Variants in PUM2 observed in about 807,000 individuals in gnomAD.
PUM2 encodes pumilio RNA binding family member 2.
PUM2 carries 57 observed loss-of-function variants against 124.5 expected under a neutral mutation model. The ratio of observed to expected loss-of-function variants is 0.46; its 90% confidence interval spans 0.37 to 0.57. The LOEUF is 0.57. PUM2 is among the 20% of genes least tolerant of loss of function. PUM2 has a pLI of 0.00. For missense variants in PUM2, 1,065 were observed against 1,290.6 expected, an observed-to-expected ratio of 0.83 and a Z score of 2.68; for synonymous variants, 460 against 446.1, an observed-to-expected ratio of 1.03 and a Z score of -0.39.
intron 6 of PUM2, 83 bp downstream of exon 6, chr2:20,308,231 A>T: frequency 6.6e-7 from 1 of 1,513,294 alleles, no homozygotes; most frequent in Non-Finnish European, 8.9e-7. Flanking sequence ...AACCCCTACC[A>T]TTCTTTTCAA....
intron 2 of PUM2, among the ~76,000 whole-genome samples, chr2:20,321,109 T>C (rs1214154944): frequency 6.6e-6 from 1 of 152,134 alleles, no homozygotes; most frequent in African/African-American, 2.4e-5. Context: ...CTTTTGGGAT[T>C]AAAGTTCCGG....
Position 20,326,500 on chromosome 2 carries a change from T to C in PUM2, c.51+810A>G, listed in dbSNP as rs191373274. 8.1e-4 allele frequency: 739 copies of C among 916,276 alleles called. 2 individuals carry two copies. The highest frequency in any genetic ancestry group is 8.0e-4 in the Non-Finnish European group (526 of 655,354). The allele number at this position is 916,276 out of a possible 1,614,324, so 56.8% of individuals were successfully genotyped here. A position where few individuals can be genotyped will look rare whatever the true frequency, so the allele number is the denominator to read the frequency against. On this transcript the variant is annotated intron_variant, in intron 2 of 20. Coordinates refer to ENST00000361078, the MANE Select transcript of PUM2 (RefSeq NM_015317.5). Reference sequence around the variant, plus strand: ...CACATCTTAGGTCTGTTCACTGTTATCTTCTATTATCAAAGTCTACGTTAG... The same window carrying C: ...CACATCTTAGGTCTGTTCACTGTTACCTTCTATTATCAAAGTCTACGTTAG...
At chr2:20,309,493 C>A (rs777395799) in intron 5 of PUM2, among the ~76,000 whole-genome samples, 6 of 150,828 alleles carry the variant, frequency 4.0e-5, no homozygotes, top group African/African-American at 1.5e-4. Flanking sequence ...AATTCATTAA[C>A]ACTGGACTAA....
chr2:20,332,408 T>TA (rs34916773), intron 1 of PUM2, among the ~76,000 whole-genome samples: 6,421 of 134,202 alleles, frequency 0.048, 166 homozygotes, highest in Admixed American at 0.079. Context: ...TAAAAAGACT[T>TA]AAAAAAAAAA....
chr2:20,313,456 T>G (rs1680139164), intron 3 of PUM2, among the ~76,000 whole-genome samples: 1 of 152,250 alleles, frequency 6.6e-6, no homozygotes, highest in Non-Finnish European at 1.5e-5. Context: ...AAGGATCAGT[T>G]GCTTATAAAC....
At chr2:20,321,660 T>C (rs1682403034) in intron 2 of PUM2, among the ~76,000 whole-genome samples, 1 of 152,146 alleles carries the variant, frequency 6.6e-6, no homozygotes, top group African/African-American at 2.4e-5. Flanking sequence ...AAACAATGCA[T>C]TGATTAGAAC....
intron 2 of PUM2, among the ~76,000 whole-genome samples, chr2:20,321,155 G>C (rs937577126): frequency 6.6e-5 from 10 of 152,138 alleles, no homozygotes; most frequent in African/African-American, 2.4e-4. Context: ...GCAAATTGCA[G>C]CACACACCTG....
intron 10 of PUM2, among the ~76,000 whole-genome samples, chr2:20,289,911 G>GA (rs1025147072): frequency 2.6e-5 from 4 of 151,700 alleles, no homozygotes; most frequent in African/African-American, 9.7e-5. Context: ...TACCAAAAGT[G>GA]AAAAAAAGCA....
Position 20,260,416 on chromosome 2 carries a change from A to G in PUM2, c.2276T>C (p.Val759Ala), listed in dbSNP as rs1331426112. 13 of 1,611,380 alleles carry G rather than the reference A, an allele frequency of 8.1e-6. No homozygotes were observed. Among genetic ancestry groups the G allele is most frequent in the Non-Finnish European group, 1.1e-5 (13 of 1,177,848 alleles). ...GGCTGCTTGCAGAATTTCATTAAATACCATCTGTCGCTCAGCTGGAGTAGC... is the reference window on the plus strand; with the variant it reads ...GGCTGCTTGCAGAATTTCATTAAATGCCATCTGTCGCTCAGCTGGAGTAGC... ...ERATPAERQM[V>A]FNEILQAAYQ... The change falls in exon 15 of 21, where the codon GTA becomes GCA. Residue 759 changes from valine to alanine, a missense_variant. Transcript: ENST00000361078.
chr2:20,270,277 A>G (rs1668716342), intron 13 of PUM2, among the ~76,000 whole-genome samples: 1 of 152,222 alleles, frequency 6.6e-6, no homozygotes, highest in Non-Finnish European at 1.5e-5. Flanking sequence ...CGAGCAAGCC[A>G]TATCTGAATT....
intron 13 of PUM2, among the ~76,000 whole-genome samples, chr2:20,276,189 A>G (rs1311128210): frequency 6.6e-6 from 1 of 152,078 alleles, no homozygotes; most frequent in Non-Finnish European, 1.5e-5. Context: ...ACTTCAACCC[A>G]AAAGTGATTA....
intron 12 of PUM2, among the ~76,000 whole-genome samples, chr2:20,282,622 A>G (rs1671796612): frequency 6.6e-6 from 1 of 152,248 alleles, no homozygotes; most frequent in Non-Finnish European, 1.5e-5. Context: ...TATGTAGTGA[A>G]TGAAGATGAG....
intron 1 of PUM2, among the ~76,000 whole-genome samples, chr2:20,343,782 A>T (rs960764347): frequency 6.6e-6 from 1 of 152,136 alleles, no homozygotes; most frequent in Non-Finnish European, 1.5e-5. Context: ...CAAAATAACT[A>T]GTTGGGTATG....
At chr2:20,333,971 G>A (rs1022990407) in intron 1 of PUM2, among the ~76,000 whole-genome samples, 2 of 152,040 alleles carry the variant, frequency 1.3e-5, no homozygotes, top group African/African-American at 4.8e-5. Context: ...CACGTAAGAG[G>A]TGCCTGCTTT....
intron 5 of PUM2, among the ~76,000 whole-genome samples, chr2:20,308,889 C>T (rs1351953194): frequency 6.6e-6 from 1 of 152,058 alleles, no homozygotes. Context: ...GCTTATACTA[C>T]CTGAAATCTC....
chr2:20,277,729 C>T (rs1670586357), intron 13 of PUM2, among the ~76,000 whole-genome samples: 1 of 152,066 alleles, frequency 6.6e-6, no homozygotes, highest in Non-Finnish European at 1.5e-5. Context: ...TTTTAAAACA[C>T]AAGCTGATTT....
intron 12 of PUM2, among the ~76,000 whole-genome samples, chr2:20,280,675 A>C (rs1671298600): frequency 6.6e-6 from 1 of 152,186 alleles, no homozygotes; most frequent in South Asian, 2.1e-4. Context: ...ATAACCTTAA[A>C]TATAAAGAAG....
At chr2:20,326,432 T>C in intron 2 of PUM2, 3 of 1,303,082 alleles carry the variant, frequency 2.3e-6, no homozygotes, top group Non-Finnish European at 3.0e-6. Flanking sequence ...AAGGTCTCTA[T>C]TCTACCAAGG....
At chr2:20,308,792 A>T (rs530397700) in intron 5 of PUM2, among the ~76,000 whole-genome samples, 43 of 152,266 alleles carry the variant, frequency 2.8e-4, no homozygotes, top group African/African-American at 9.9e-4. Flanking sequence ...TAAAAATATT[A>T]TTAATGATTA....
Sources: allele counts gnomAD v4.1 joint callset (sites outside exome capture counted in the v4.1 genomes callset), GRCh38; gene constraint gnomAD v4.1.1; transcripts MANE v1.5; gene names NCBI Gene and HGNC (gene_info 2026-07-23, HGNC 2026-07-21).